Variants in THEM6 observed in about 807,000 individuals in gnomAD.
THEM6 encodes thioesterase superfamily member 6.
A neutral mutation model predicts 13.7 loss-of-function variants in THEM6; 10 were observed. That is an observed-to-expected ratio of 0.73 (90% CI 0.45 to 1.24). The LOEUF is 1.24. THEM6 is among the 50% of genes most tolerant of loss of function. The pLI is 0.00. For synonymous variants in THEM6, 161 were observed against 156.0 expected, an observed-to-expected ratio of 1.03 and a Z score of -0.24; for missense variants, 317 against 312.6, an observed-to-expected ratio of 1.01 and a Z score of -0.11.
Position 142,727,320 on chromosome 8 carries a change from C to T in THEM6, c.-27C>T. ...ACCGGCACCGGCGCCACGGACTCCG[C>T]AGGACCCCGCGCCCGCCGCCGCCGC... On this transcript the variant is annotated 5_prime_UTR_variant, in exon 1 of 2. Coordinates refer to ENST00000336138, the MANE Select transcript of THEM6 (RefSeq NM_016647.3). The T allele has an allele frequency of 6.7e-7, 1 of 1,492,766 alleles. No homozygotes were observed. The highest frequency in any genetic ancestry group is 8.9e-7 in the Non-Finnish European group (1 of 1,129,044). 92.5% of individuals were successfully genotyped at this position (1,492,766 alleles called of 1,614,324 possible).
chr8:142,727,485 G>A lies in THEM6; in HGVS notation c.139G>A (p.Glu47Lys). The A allele has an allele frequency of 1.3e-6, 2 of 1,577,390 alleles. No homozygotes were observed. Among genetic ancestry groups the A allele is most frequent in the East Asian group, 2.3e-5 (1 of 42,680 alleles). ...GCCGCGCGTCCGTGACCTGCTAGCT[G>A]AGCAGCGCTTCCCGGGCCGCGTGCT... ...LQPRVRDLLA[E>K]QRFPGRVLPS... Residue 47 changes from glutamate to lysine, a missense_variant, in exon 1 of 2, where the codon GAG becomes AAG. Transcript: ENST00000336138.
chr8:142,735,256 C>A, intron 1 of THEM6, 70 bp from the exon 2 acceptor site: 1 of 1,145,656 alleles, frequency 8.7e-7, no homozygotes, highest in Non-Finnish European at 1.3e-6. Context: ...GGCTGGGGAG[C>A]AGTGTGGGCA....
In THEM6 at chr8:142,735,123, C is replaced by T. The variant is rs76245270; in HGVS notation, c.514-203C>T. ...TTCTGGGGATGGCCCCTAGGGGAGA[C>T]GGGCCAGGCACAAGCGGGGCTGTGT... On this transcript the variant is annotated intron_variant, in intron 1 of 1. Transcript: ENST00000336138. 4.7e-3 allele frequency: 2,667 copies of T among 568,002 alleles called. 59 individuals are homozygous for T. The highest frequency in any genetic ancestry group is 0.044 in the African/African-American group (2,372 of 53,410). 35.2% of individuals were successfully genotyped at this position (568,002 alleles called of 1,614,324 possible).
rs202056172 is a variant in THEM6, at chr8:142,727,451, C to T, written c.105C>T (p.Arg35=). 1,173 of 1,560,528 alleles carry T rather than the reference C, an allele frequency of 7.5e-4. 7 individuals carry two copies. In the African/African-American group the frequency reaches 0.01, roughly 14 times the overall value. Residue 35 remains arginine (R), a synonymous_variant, in exon 1 of 2, where the codon CGC becomes CGT. Transcript: ENST00000336138. The stretch of plus-strand genomic sequence containing the variant: ...TTCCGTGCGCCGTGCTGCGCGCGCG[C>T]CTGCTGCAGCCGCGCGTCCGTGACC... ...VRLPCAVLRA[R]LLQPRVRDLL...
At chr8:142,728,578 T>C (rs1273930600) in intron 1 of THEM6, among the ~76,000 whole-genome samples, 17 of 152,188 alleles carry the variant, frequency 1.1e-4, no homozygotes, top group African/African-American at 3.9e-4. Flanking sequence ...CTTAGGGCAC[T>C]GCCCTCTCCG....
At chr8:142,727,929 T>A (rs1815548216) in intron 1 of THEM6, 70 bp downstream of exon 1, 1 of 1,354,764 alleles carries the variant, frequency 7.4e-7, no homozygotes, top group Non-Finnish European at 9.4e-7. Flanking sequence ...TCCTAGTCCC[T>A]GGCCCCCTCC....
chr8:142,732,161 AATATATATATATATAT>A (rs59428096), intron 1 of THEM6, among the ~76,000 whole-genome samples: 1,114 of 37,254 alleles, frequency 0.03, 65 homozygotes, highest in African/African-American at 0.066. Flanking sequence ...GGGAGTTTTG[AATATATATATATATAT>A]ATATATATAT....
intron 1 of THEM6, among the ~76,000 whole-genome samples, chr8:142,728,299 G>A (rs1815561298): frequency 6.6e-6 from 1 of 152,218 alleles, no homozygotes; most frequent in South Asian, 2.1e-4. Flanking sequence ...ACACAGCTTA[G>A]AGCTGAAGGG....
intron 1 of THEM6, among the ~76,000 whole-genome samples, chr8:142,728,754 G>C (rs1554642681): frequency 6.6e-6 from 1 of 152,160 alleles, no homozygotes. Context: ...AGTTTATTAA[G>C]GTAAAGCGGT....
Position 142,727,835 on chromosome 8 carries a change from C to T in THEM6, c.489C>T (p.Val163=), listed in dbSNP as rs1563821021. ...TGCTGGGCACCTCACCCGAGCGCGT[C>T]GTGCAGCACCTGTGCCAGCGCAGGG... ...QHLLGTSPER[V]VQHLCQRRVE... Residue 163 remains valine, a synonymous_variant, in exon 1 of 2, where the codon GTC becomes GTT. Transcript: ENST00000336138. 2.1e-6 allele frequency: 3 copies of T among 1,447,950 alleles called. No individual in the cohort carries two copies. The highest frequency in any genetic ancestry group is 5.9e-5 in the East Asian group (2 of 34,128). The allele number at this position is 1,447,950 out of a possible 1,614,324, so 89.7% of individuals were successfully genotyped here.
At position 142,735,343 on chromosome 8, in the gene THEM6, GC is replaced by G. The variant is rs1563823650; in HGVS notation, c.534del (p.Ala179LeufsTer63). On this transcript the variant is annotated frameshift_variant, in exon 2 of 2. Coordinates refer to ENST00000336138, the MANE Select transcript of THEM6 (RefSeq NM_016647.3). LOFTEE classifies it high-confidence loss of function. ...CTCTGCAGGTGGAGCCCCCTGAGCTGCCCGCTGATCTGCAGCACTGGATCTC... is the reference window on the plus strand; with the variant it reads ...CTCTGCAGGTGGAGCCCCCTGAGCTGCCGCTGATCTGCAGCACTGGATCTC... Reference protein sequence around the residue: ...CQRRVEPPELPADLQHWISYN... With the variant: ...CQRRVEPPELXADLQHWISYN... 2 of 1,562,552 alleles carry G rather than the reference GC, an allele frequency of 1.3e-6. No individual in the cohort carries two copies. The highest frequency in any genetic ancestry group is 2.4e-5 in the South Asian group (2 of 84,862).
At chr8:142,732,240 C>T (rs1355810561) in intron 1 of THEM6, among the ~76,000 whole-genome samples, 1 of 128,080 alleles carries the variant, frequency 7.8e-6, no homozygotes, top group South Asian at 2.6e-4. Context: ...GAGGTTCAAC[C>T]CCCTGAAATT....
chr8:142,728,352 G>T (rs781960040), intron 1 of THEM6, among the ~76,000 whole-genome samples: 2 of 152,214 alleles, frequency 1.3e-5, no homozygotes, highest in African/African-American at 4.8e-5. Context: ...GTATTGAGCC[G>T]AGTAGCTGAA....
chr8:142,727,303 C>T lies in THEM6; in HGVS notation c.-44C>T. The T allele has an allele frequency of 2.8e-6, 4 of 1,432,160 alleles. No homozygotes were observed. The South Asian group carries it at 4.3e-5, about 15-fold the overall frequency. The allele number at this position is 1,432,160 out of a possible 1,614,324, so 88.7% of individuals were successfully genotyped here. On this transcript the variant is annotated 5_prime_UTR_variant, in exon 1 of 2. Transcript: ENST00000336138. ...TAACCAGCGCCGCGGACACCGGCACCGGCGCCACGGACTCCGCAGGACCCC... is the reference window on the plus strand; with the variant it reads ...TAACCAGCGCCGCGGACACCGGCACTGGCGCCACGGACTCCGCAGGACCCC...
intron 1 of THEM6, among the ~76,000 whole-genome samples, chr8:142,728,781 C>T (rs1815576773): frequency 6.6e-6 from 1 of 152,104 alleles, no homozygotes; most frequent in Non-Finnish European, 1.5e-5. Context: ...ATAGCTGGTC[C>T]GTAGACCCAG....
chr8:142,728,943 T>TC (rs1276073253), intron 1 of THEM6, among the ~76,000 whole-genome samples: 230 of 141,084 alleles, frequency 1.6e-3, no homozygotes, highest in African/African-American at 6.1e-3. Flanking sequence ...TTTTCTTTTT[T>TC]TTTTTTTTTT....
At chr8:142,729,919 T>G (rs1331522731) in intron 1 of THEM6, among the ~76,000 whole-genome samples, 2 of 152,172 alleles carry the variant, frequency 1.3e-5, no homozygotes, top group Non-Finnish European at 2.9e-5. Flanking sequence ...TGCAGGTCAT[T>G]ACGATAATGA....
chr8:142,734,978 A>C, intron 1 of THEM6: 1 of 255,772 alleles, frequency 3.9e-6, no homozygotes, highest in African/African-American at 2.2e-5. Context: ...CCTGTCTGGT[A>C]CTTTCCTGGA....
Position 142,735,512 on chromosome 8 carries a change from C to A in THEM6, c.*73C>A. 8.5e-7 allele frequency: 1 copy of A among 1,177,480 alleles called. No homozygotes were observed. Among genetic ancestry groups the A allele is most frequent in the Non-Finnish European group, 1.2e-6 (1 of 814,338 alleles). 72.9% of individuals were successfully genotyped at this position (1,177,480 alleles called of 1,614,324 possible). On this transcript the variant is annotated 3_prime_UTR_variant, in exon 2 of 2. Coordinates refer to ENST00000336138, the MANE Select transcript of THEM6 (RefSeq NM_016647.3). ...GCTGCCCACAGATGGGCAGTCTCAG[C>A]CATACTCTGTTCCAGCTGGAGTAGC...
Sources: allele counts gnomAD v4.1 joint callset (sites outside exome capture counted in the v4.1 genomes callset), GRCh38; gene constraint gnomAD v4.1.1; transcripts MANE v1.5; gene names NCBI Gene and HGNC (gene_info 2026-07-23, HGNC 2026-07-21).